Variants in MICU3 observed in about 807,000 individuals in gnomAD.
The protein encoded by MICU3 is calcium uptake protein 3, mitochondrial.
MICU3 carries 62 observed loss-of-function variants against 66.5 expected under a neutral mutation model. The observed-to-expected ratio is 0.93, with a 90% CI of 0.76 to 1.15. MICU3 has a LOEUF of 1.15. MICU3 is among the 50% of genes most tolerant of loss of function. The probability of loss-of-function intolerance (pLI) is 0.00; values close to 1 mark genes in which losing one functional copy is unlikely to be tolerated. For synonymous variants in MICU3, 308 were observed against 240.7 expected (o/e 1.28, Z -2.59); for missense variants, 779 against 664.4 (o/e 1.17, Z -1.90).
intron 5 of MICU3, among the ~76,000 whole-genome samples, chr8:17,084,189 G>A (rs1417039337): frequency 6.6e-6 from 1 of 152,016 alleles, no homozygotes; most frequent in Non-Finnish European, 1.5e-5. Flanking sequence ...ACTTTGTACT[G>A]TATTTTTCCC....
intron 1 of MICU3, among the ~76,000 whole-genome samples, chr8:17,034,313 T>G (rs980119148): frequency 2.0e-5 from 3 of 152,254 alleles, no homozygotes; most frequent in Non-Finnish European, 4.4e-5. Flanking sequence ...ATTGACAATG[T>G]ACGTAGTCAC....
At chr8:17,073,513 TATG>T (rs1196365394) in intron 3 of MICU3, among the ~76,000 whole-genome samples, 1 of 152,132 alleles carries the variant, frequency 6.6e-6, no homozygotes, top group Non-Finnish European at 1.5e-5. Context: ...GATTGTACAT[TATG>T]ATGAGATGTA....
intron 1 of MICU3, among the ~76,000 whole-genome samples, chr8:17,055,014 A>G (rs1292772177): frequency 1.3e-5 from 2 of 152,052 alleles, no homozygotes; most frequent in Admixed American, 1.3e-4. Context: ...TGGGATTACA[A>G]GCATGAGCCA....
intron 1 of MICU3, among the ~76,000 whole-genome samples, chr8:17,056,731 G>C (rs1425755265): frequency 6.6e-6 from 1 of 152,236 alleles, no homozygotes; most frequent in East Asian, 1.9e-4. Context: ...GATTAATTAG[G>C]AATCGATGTG....
rs940371641 is a variant in MICU3, at chr8:17,034,847, T to C, written c.381+7187T>C. On this transcript the variant is annotated intron_variant, in intron 1 of 14. Coordinates refer to ENST00000318063, the MANE Select transcript of MICU3 (RefSeq NM_181723.3). ...AATCCTGGTGAAGATGCTGTGAACA[T>C]TGTTGAAATGACAACAAAGATTTGG... 5.9e-5 allele frequency among the ~76,000 whole-genome samples: 9 copies of C among 152,376 alleles called. No homozygotes were observed. The South Asian group carries it at 1.0e-3, about 18-fold the overall frequency.
rs1811150083 is a variant in MICU3, at chr8:17,027,313, C to T, written c.34C>T (p.Pro12Ser). 6.7e-7 allele frequency: 1 copy of T among 1,482,780 alleles called. No individual in the cohort carries two copies. The highest frequency in any genetic ancestry group is 3.0e-5 in the East Asian group (1 of 32,848). The allele number at this position is 1,482,780 out of a possible 1,614,324, so 91.9% of individuals were successfully genotyped here. ...AALRRLLWPP[P>S]RVSPPLCAHQ... ...GCTGCGAAGGCTCTTGTGGCCGCCA[C>T]CCCGGGTGTCTCCTCCACTCTGCGC... Residue 12 changes from proline to serine, a missense_variant, in exon 1 of 15, where the codon CCC (proline) becomes TCC (serine). Physicochemically the swap from Pro to Ser is moderately conservative, Grantham distance 74. Coordinates refer to ENST00000318063, the MANE Select transcript of MICU3 (RefSeq NM_181723.3).
chr8:17,108,770 C>A (rs939171356), intron 11 of MICU3, among the ~76,000 whole-genome samples: 1 of 152,146 alleles, frequency 6.6e-6, no homozygotes, highest in Non-Finnish European at 1.5e-5. Context: ...ATGTTTTTGA[C>A]TGTGATTTCG....
In MICU3 at chr8:17,027,293, G is replaced by T; in HGVS notation, c.14G>T (p.Arg5Leu). MAAL[R>L]RLLWPPPRVS... is the part of the protein sequence containing the mutation. ...GCGGCCTCCGCTATGGCTGCGCTGC[G>T]AAGGCTCTTGTGGCCGCCACCCCGG... Residue 5 changes from arginine (R) to leucine (L), a missense_variant, in exon 1 of 15, where the codon CGA becomes CTA. Physicochemically the swap from Arg to Leu is moderately radical, Grantham distance 102 (BLOSUM62 -2). Transcript: ENST00000318063. 1 of 1,518,116 alleles carries T rather than the reference G, an allele frequency of 6.6e-7. No individual in the cohort carries two copies. The highest frequency in any genetic ancestry group is 1.5e-5 in the African/African-American group (1 of 68,702). 94.0% of individuals were successfully genotyped at this position (1,518,116 alleles called of 1,614,324 possible). A position where few individuals can be genotyped will look rare whatever the true frequency, so the allele number is the denominator to read the frequency against.
chr8:17,038,663 G>A (rs114793121), intron 1 of MICU3, among the ~76,000 whole-genome samples: 135 of 152,168 alleles, frequency 8.9e-4, no homozygotes, highest in African/African-American at 3.0e-3. Context: ...GGAAGAGTCC[G>A]TCGATGTGGC....
the MICU3 span, among the ~76,000 whole-genome samples, chr8:17,134,619 A>G: frequency 2.6e-5 from 4 of 151,746 alleles, no homozygotes; most frequent in Non-Finnish European, 5.9e-5. Context: ...TAATTTTTTT[A>G]TTTTTTAGTA....
chr8:17,081,784 T>C, intron 5 of MICU3, 44 bp downstream of exon 5: 1 of 827,666 alleles, frequency 1.2e-6, no homozygotes, highest in Non-Finnish European at 1.9e-6. Context: ...AGCTTTATTT[T>C]TTAAACGAAT....
chr8:17,027,508 C>A lies in MICU3; in HGVS notation c.229C>A (p.Leu77Met). The A allele has an allele frequency of 7.8e-7, 1 of 1,282,818 alleles. No homozygotes were observed. Among genetic ancestry groups the A allele is most frequent in the South Asian group, 2.7e-5 (1 of 36,946 alleles). The allele number at this position is 1,282,818 out of a possible 1,614,324, so 79.5% of individuals were successfully genotyped here. ...CGTGGCGGCGGCGGCCGGCGGGGGG[C>A]TGGTCGGCCTGGTATGCTACCAGCT... ...LSVAAAAGGG[L>M]VGLVCYQLYG... The change falls in exon 1 of 15, where the codon CTG becomes ATG. Residue 77 changes from leucine (L) to methionine (M), a missense_variant. Leu to Met is a conservative substitution (Grantham distance 15). Coordinates refer to ENST00000318063, the MANE Select transcript of MICU3 (RefSeq NM_181723.3).
At chr8:17,133,219 A>G in the MICU3 span, 1 of 152,238 alleles carries the variant, frequency 6.6e-6, no homozygotes, top group Non-Finnish European at 1.5e-5. Flanking sequence ...TATGATGGGG[A>G]AAGTGCACTA....
chr8:17,129,508 A>G, the MICU3 span, among the ~76,000 whole-genome samples: 3 of 152,246 alleles, frequency 2.0e-5, no homozygotes, highest in Admixed American at 1.3e-4. Flanking sequence ...TACTTGAAAT[A>G]AAAATTCATT....
chr8:17,034,758 C>CT (rs1227534454), intron 1 of MICU3, among the ~76,000 whole-genome samples: 1 of 152,230 alleles, frequency 6.6e-6, no homozygotes, highest in Non-Finnish European at 1.5e-5. Context: ...CATGATAAAA[C>CT]TTTAACAGAC....
chr8:17,038,622 C>G (rs1379089592), intron 1 of MICU3, among the ~76,000 whole-genome samples: 1 of 152,172 alleles, frequency 6.6e-6, no homozygotes, highest in African/African-American at 2.4e-5. Context: ...AACAGCATCA[C>G]CTGCTACAGA....
intron 3 of MICU3, among the ~76,000 whole-genome samples, chr8:17,071,008 A>G (rs1563328958): frequency 6.6e-6 from 1 of 152,272 alleles, no homozygotes; most frequent in East Asian, 1.9e-4. Flanking sequence ...ATCATGCTAC[A>G]CAGAACAGTG....
At chr8:17,069,544 A>G in intron 2 of MICU3, 144 bp from the exon 3 acceptor site, 1 of 409,248 alleles carries the variant, frequency 2.4e-6, no homozygotes, top group East Asian at 4.9e-5. Flanking sequence ...CATATCACAG[A>G]TCCAAATTTT....
chr8:17,034,785 G>T (rs561345991), intron 1 of MICU3, among the ~76,000 whole-genome samples: 1 of 152,338 alleles, frequency 6.6e-6, no homozygotes, highest in East Asian at 1.9e-4. Context: ...TTGCCTCTAT[G>T]AATGAGCAAA....
Sources: allele counts gnomAD v4.1 joint callset (sites outside exome capture counted in the v4.1 genomes callset), GRCh38; gene constraint gnomAD v4.1.1; transcripts MANE v1.5; gene names NCBI Gene and HGNC (gene_info 2026-07-23, HGNC 2026-07-21).